Variants in FARP1 observed in about 807,000 individuals in gnomAD.
The protein encoded by FARP1 is FERM, ARH/RhoGEF and pleckstrin domain protein 1, also known as FERM, ARHGEF and pleckstrin domain-containing protein 1.
FARP1 carries 52 observed loss-of-function variants against 128.8 expected under a neutral mutation model. That is an observed-to-expected ratio of 0.40 (90% CI 0.32 to 0.51). FARP1 has a LOEUF of 0.51. Among genes scored for constraint, FARP1 ranks in the 20% least tolerant of loss-of-function variants. The probability of loss-of-function intolerance (pLI) is 0.45; values close to 1 mark genes in which losing one functional copy is unlikely to be tolerated. For missense variants in FARP1, 1,333 were observed against 1,367.9 expected (o/e 0.97, Z 0.40); for synonymous variants, 580 against 551.8 (o/e 1.05, Z -0.72).
chr13:98,320,382 TCA>T (rs1027282712), intron 2 of FARP1, among the ~76,000 whole-genome samples: 8 of 152,206 alleles, frequency 5.3e-5, no homozygotes, highest in African/African-American at 1.7e-4. Context: ...AGTTTGCCCG[TCA>T]CCACTTGGGA....
intron 5 of FARP1, among the ~76,000 whole-genome samples, chr13:98,375,289 A>G (rs1205173794): frequency 6.6e-6 from 1 of 152,200 alleles, no homozygotes; most frequent in Non-Finnish European, 1.5e-5. Flanking sequence ...ACCCATTGAT[A>G]ATCCTGGCTG....
At chr13:98,334,649 C>G (rs1887665607) in intron 2 of FARP1, among the ~76,000 whole-genome samples, 1 of 152,256 alleles carries the variant, frequency 6.6e-6, no homozygotes, top group East Asian at 1.9e-4. Context: ...TTTATTGATG[C>G]CCTACCCACC....
intron 2 of FARP1, among the ~76,000 whole-genome samples, chr13:98,235,599 C>T (rs1474344032): frequency 1.3e-5 from 2 of 152,072 alleles, no homozygotes; most frequent in African/African-American, 2.4e-5. Context: ...TCATAAAGCT[C>T]ACCATCTTAA....
intron 2 of FARP1, among the ~76,000 whole-genome samples, chr13:98,262,335 T>C (rs1454194374): frequency 6.6e-6 from 1 of 152,106 alleles, no homozygotes; most frequent in African/African-American, 2.4e-5. Flanking sequence ...TGCATTCTTT[T>C]ATTTGCCGAC....
chr13:98,363,582 C>A (rs1414239027), intron 3 of FARP1, among the ~76,000 whole-genome samples: 2 of 152,104 alleles, frequency 1.3e-5, no homozygotes, highest in African/African-American at 2.4e-5. Context: ...TGAATCATCT[C>A]AGCGCCTGGT....
At chr13:98,283,012 A>G (rs1885004834) in intron 2 of FARP1, among the ~76,000 whole-genome samples, 1 of 152,258 alleles carries the variant, frequency 6.6e-6, no homozygotes, top group African/African-American at 2.4e-5. Flanking sequence ...ACTATCTTAG[A>G]AGATGCATTT....
intron 2 of FARP1, among the ~76,000 whole-genome samples, chr13:98,336,847 G>A (rs1294499984): frequency 6.6e-6 from 1 of 152,238 alleles, no homozygotes; most frequent in South Asian, 2.1e-4. Context: ...ATCATTAAAA[G>A]TAGCCATTAA....
At chr13:98,351,078 C>T (rs1566907500) in intron 3 of FARP1, among the ~76,000 whole-genome samples, 2 of 151,588 alleles carry the variant, frequency 1.3e-5, no homozygotes, top group African/African-American at 4.9e-5. Flanking sequence ...GCCTCGCCTC[C>T]CCACAGAAGC....
chr13:98,216,551 A>T (rs1881071585), intron 2 of FARP1, among the ~76,000 whole-genome samples: 1 of 152,132 alleles, frequency 6.6e-6, no homozygotes. Context: ...CTGGGGGTTG[A>T]ATTTCCTGGG....
chr13:98,181,875 T>TA (rs966852706), intron 1 of FARP1, among the ~76,000 whole-genome samples: 1 of 152,050 alleles, frequency 6.6e-6, no homozygotes, highest in Non-Finnish European at 1.5e-5. Context: ...ATTTAATACT[T>TA]AAAGATGTAA....
chr13:98,151,800 T>G (rs550276267), intron 1 of FARP1, among the ~76,000 whole-genome samples: 5 of 151,656 alleles, frequency 3.3e-5, no homozygotes, highest in African/African-American at 1.2e-4. Flanking sequence ...TAGCTGAGAT[T>G]ACAGGTGCAC....
At chr13:98,347,302 T>C (rs141545987) in intron 3 of FARP1, among the ~76,000 whole-genome samples, 6 of 152,390 alleles carry the variant, frequency 3.9e-5, no homozygotes, top group African/African-American at 1.4e-4. Flanking sequence ...TAACCATTTG[T>C]AAGTGTGTAG....
rs1222822390 is a variant in FARP1 at position 98,176,248 on chromosome 13, TG to T, written c.-24+32761del. 6.2e-7 allele frequency: 1 copy of T among 1,608,138 alleles called. No homozygotes were observed. Among genetic ancestry groups the T allele is most frequent in the East Asian group, 2.2e-5 (1 of 44,862 alleles). On this transcript the variant is annotated intron_variant, in intron 1 of 26. Coordinates refer to ENST00000319562, the MANE Select transcript of FARP1 (RefSeq NM_005766.4). The surrounding 1 kb of genome is among the most constrained non-coding windows in gnomAD (Gnocchi z 6.2). ...CTAAGCCATGGGAATTGGACACTCA[TG>T]GGGGTCTTCTGTGAAATGGGACTTG... is the stretch of plus-strand genomic sequence containing the variant.
intron 3 of FARP1, among the ~76,000 whole-genome samples, chr13:98,344,108 C>T (rs1214249226): frequency 6.6e-6 from 1 of 152,084 alleles, no homozygotes; most frequent in African/African-American, 2.4e-5. Flanking sequence ...CAGTTCTATA[C>T]CCAAACTAAT....
intron 2 of FARP1, among the ~76,000 whole-genome samples, chr13:98,246,354 A>T (rs1395918306): frequency 3.3e-5 from 5 of 151,062 alleles, no homozygotes; most frequent in Admixed American, 3.3e-4. Flanking sequence ...CGGCCTCCCA[A>T]AGTGCTGGGA....
chr13:98,165,214 C>CACAAA (rs1877159829), intron 1 of FARP1, among the ~76,000 whole-genome samples: 1 of 84,766 alleles, frequency 1.2e-5, no homozygotes, highest in African/African-American at 4.2e-5. Context: ...GACTCTGTCT[C>CACAAA]AAAAAAAAAA....
chr13:98,445,573 T>C (rs3752974), intron 24 of FARP1: 111,559 of 152,412 alleles, frequency 0.73, 42,227 homozygotes, highest in Non-Finnish European at 0.84. Flanking sequence ...GTAGGGTGCC[T>C]GGCCCCTCAA....
chr13:98,194,627 T>G (rs1879459208), intron 1 of FARP1, among the ~76,000 whole-genome samples: 1 of 152,244 alleles, frequency 6.6e-6, no homozygotes, highest in Non-Finnish European at 1.5e-5. Context: ...CTTAGAATTT[T>G]ATTTTTGTGG....
chr13:98,258,263 G>A (rs895231181), intron 2 of FARP1, among the ~76,000 whole-genome samples: 2 of 152,116 alleles, frequency 1.3e-5, no homozygotes, highest in Admixed American at 6.5e-5. Context: ...AACCACACCC[G>A]GCCTGTAATT....
Sources: allele counts gnomAD v4.1 joint callset (sites outside exome capture counted in the v4.1 genomes callset), GRCh38; gene constraint gnomAD v4.1.1; non-coding constraint Gnocchi (gnomAD v3.1); transcripts MANE v1.5; gene names NCBI Gene and HGNC (gene_info 2026-07-23, HGNC 2026-07-21).